CENPW: variants seen among roughly 807,000 people sequenced by gnomAD.
CENPW encodes the protein cancer-up-regulated gene 2 protein.
CENPW carries 3 observed loss-of-function variants against 11.1 expected under a neutral mutation model. That is an observed-to-expected ratio of 0.27 (90% CI 0.12 to 0.70). The LOEUF is 0.70. Ranked by LOEUF, CENPW falls within the 30% of genes least tolerant of loss-of-function variation. The probability of loss-of-function intolerance (pLI) is 0.77; values close to 1 mark genes in which losing one functional copy is unlikely to be tolerated. For synonymous variants in CENPW, 38 were observed against 42.0 expected, an observed-to-expected ratio of 0.91 and a Z score of 0.37; for missense variants, 100 against 105.6, an observed-to-expected ratio of 0.95 and a Z score of 0.23.
At chr6:126,433,228 G>C in the CENPW span, among the ~76,000 whole-genome samples, 1 of 152,080 alleles carries the variant, frequency 6.6e-6, no homozygotes, top group South Asian at 2.1e-4. Context: ...ACAAATAGTA[G>C]TTTTTAAGAT....
the CENPW span, among the ~76,000 whole-genome samples, chr6:126,454,867 A>G: frequency 2.0e-5 from 3 of 151,440 alleles, no homozygotes; most frequent in East Asian, 5.8e-4. Context: ...AATAAATGCA[A>G]TTATAAATGA....
the CENPW span, among the ~76,000 whole-genome samples, chr6:126,431,205 A>G: frequency 6.6e-6 from 1 of 152,200 alleles, no homozygotes; most frequent in Non-Finnish European, 1.5e-5. Context: ...TTAAAAGTAC[A>G]TAAACTTCTA....
the CENPW span, among the ~76,000 whole-genome samples, chr6:126,479,203 A>G: frequency 6.6e-6 from 1 of 151,890 alleles, no homozygotes; most frequent in Non-Finnish European, 1.5e-5. Context: ...CTATGTTTTT[A>G]ATCCATTTTT....
chr6:126,372,002 G>A, the CENPW span, among the ~76,000 whole-genome samples: 1 of 151,824 alleles, frequency 6.6e-6, no homozygotes, highest in African/African-American at 2.4e-5. Context: ...TCTCACAGTG[G>A]TCTATCATTT....
the CENPW span, among the ~76,000 whole-genome samples, chr6:126,401,390 A>G: frequency 6.6e-6 from 1 of 151,822 alleles, no homozygotes; most frequent in Non-Finnish European, 1.5e-5. Flanking sequence ...TTGCTACTTT[A>G]TGCTTGCTAG....
At chr6:126,482,820 T>C in the CENPW span, among the ~76,000 whole-genome samples, 5 of 152,006 alleles carry the variant, frequency 3.3e-5, no homozygotes, top group African/African-American at 4.8e-5. Flanking sequence ...AATATTTTCT[T>C]GACTATATAA....
At chr6:126,457,739 G>A in the CENPW span, among the ~76,000 whole-genome samples, 3 of 151,216 alleles carry the variant, frequency 2.0e-5, no homozygotes, top group Non-Finnish European at 3.0e-5. Flanking sequence ...GTATTGACTG[G>A]CCTAATGGAA....
intron 1 of CENPW, 78 bp downstream of exon 1, chr6:126,340,477 C>T (rs775042733): frequency 3.6e-5 from 58 of 1,606,822 alleles, no homozygotes; most frequent in Non-Finnish European, 4.6e-5. Context: ...TTTGTTTTTC[C>T]GCCCCGAGCC....
the CENPW span, among the ~76,000 whole-genome samples, chr6:126,469,181 G>C: frequency 0.011 from 1,611 of 152,266 alleles, 25 homozygotes; most frequent in African/African-American, 0.037. Context: ...CCCCACATGA[G>C]AAAGGAGAGA....
chr6:126,406,332 G>C, the CENPW span, among the ~76,000 whole-genome samples: 1 of 151,810 alleles, frequency 6.6e-6, no homozygotes, highest in Non-Finnish European at 1.5e-5. Context: ...ATATGTTGTT[G>C]GATTTCATTT....
chr6:126,433,587 A>T, the CENPW span, among the ~76,000 whole-genome samples: 10 of 152,180 alleles, frequency 6.6e-5, no homozygotes, highest in African/African-American at 2.4e-4. Context: ...TATGTTCAGC[A>T]GGGAACAAGA....
At chr6:126,422,004 G>A in the CENPW span, among the ~76,000 whole-genome samples, 1 of 152,066 alleles carries the variant, frequency 6.6e-6, no homozygotes, top group Non-Finnish European at 1.5e-5. Flanking sequence ...CAGAAGAAAA[G>A]GGACAGTACC....
At chr6:126,385,998 C>T in the CENPW span, among the ~76,000 whole-genome samples, 2 of 151,928 alleles carry the variant, frequency 1.3e-5, no homozygotes, top group Non-Finnish European at 1.5e-5. Context: ...GTTGGTAATG[C>T]CTAAAATTCA....
At chr6:126,438,870 T>G in the CENPW span, among the ~76,000 whole-genome samples, 1 of 151,734 alleles carries the variant, frequency 6.6e-6, no homozygotes, top group African/African-American at 2.4e-5. Flanking sequence ...CAGTATCAAT[T>G]GATAGAATAA....
chr6:126,431,782 A>G, the CENPW span, among the ~76,000 whole-genome samples: 2 of 152,016 alleles, frequency 1.3e-5, no homozygotes, highest in African/African-American at 4.8e-5. Context: ...AATGAGCAAT[A>G]CTGGCCAGGC....
At chr6:126,447,937 A>C in the CENPW span, among the ~76,000 whole-genome samples, 3 of 151,324 alleles carry the variant, frequency 2.0e-5, no homozygotes, top group Non-Finnish European at 3.0e-5. Context: ...GACTGAAGGA[A>C]AACTTTGCTT....
At chr6:126,409,845 C>A in the CENPW span, among the ~76,000 whole-genome samples, 2 of 151,734 alleles carry the variant, frequency 1.3e-5, no homozygotes, top group African/African-American at 4.8e-5. Flanking sequence ...ATAGTTGGGT[C>A]ATTTTAAAAA....
the CENPW span, among the ~76,000 whole-genome samples, chr6:126,406,755 G>A: frequency 2.6e-5 from 4 of 152,004 alleles, no homozygotes; most frequent in Non-Finnish European, 5.9e-5. Context: ...GAGAGGCTGA[G>A]GCAGGATAAT....
the CENPW span, among the ~76,000 whole-genome samples, chr6:126,375,364 A>G: frequency 6.6e-6 from 1 of 152,208 alleles, no homozygotes; most frequent in African/African-American, 2.4e-5. Context: ...CTGAGCAGGC[A>G]TGTGACAGGA....
Sources: gnomAD v4.1 joint callset for allele counts (sites outside exome capture counted in the v4.1 genomes callset) on GRCh38, gnomAD v4.1.1 for gene constraint, MANE v1.5 for transcripts, NCBI Gene and HGNC (gene_info 2026-07-23, HGNC 2026-07-21) for gene names.